The following FGF12 variants were observed in gnomAD, a reference collection of about 807,000 sequenced individuals.
The protein encoded by FGF12 is fibroblast growth factor 12.
A neutral mutation model predicts 23.6 loss-of-function variants in FGF12; 14 were observed. That is an observed-to-expected ratio of 0.59 (90% CI 0.39 to 0.93). FGF12 has a LOEUF of 0.93. Ranked by LOEUF, FGF12 falls within the 40% of genes least tolerant of loss-of-function variation. FGF12 has a pLI of 0.00. For synonymous variants in FGF12, 62 were observed against 77.3 expected (o/e 0.80, Z 1.04); for missense variants, 175 against 217.8 (o/e 0.80, Z 1.24).
Position 192,514,054 on chromosome 3 carries a change from A to G in FGF12, c.14-153516T>C, listed in dbSNP as rs1724577127. 6.6e-6 allele frequency among the ~76,000 whole-genome samples: 1 copy of G among 152,142 alleles called. No individual in the cohort carries two copies. Among genetic ancestry groups the G allele is most frequent in the South Asian group, 2.1e-4 (1 of 4,818 alleles). On this transcript the variant is annotated intron_variant, in intron 2 of 5. Transcript: ENST00000445105. This position sits in a 1 kb window ranked among gnomAD's most constrained non-coding sequence, Gnocchi z 4.9. ...TTTCTCAATATCTCAGTTCATTCAA[A>G]GGTTCTGATTTTCTTTCTTTTCCTC...
At chr3:192,579,724 C>T (rs1713055319) in intron 2 of FGF12, among the ~76,000 whole-genome samples, 1 of 152,092 alleles carries the variant, frequency 6.6e-6, no homozygotes. Context: ...TGTGTGCCAC[C>T]ACACCCAGCT....
intron 2 of FGF12, among the ~76,000 whole-genome samples, chr3:192,698,987 A>C (rs982621681): frequency 1.1e-4 from 16 of 152,182 alleles, no homozygotes; most frequent in Non-Finnish European, 1.9e-4. Flanking sequence ...TGCTTTAAAG[A>C]GAGTTATATG....
intron 2 of FGF12, among the ~76,000 whole-genome samples, chr3:192,447,966 C>T (rs1722408432): frequency 1.3e-5 from 2 of 152,212 alleles, no homozygotes; most frequent in African/African-American, 4.8e-5. Flanking sequence ...AGTTTCTGAA[C>T]TTCACAGCCC....
intron 2 of FGF12, among the ~76,000 whole-genome samples, chr3:192,460,087 G>A (rs1043677261): frequency 1.3e-5 from 2 of 152,162 alleles, no homozygotes; most frequent in African/African-American, 4.8e-5. Context: ...GAGTTGGTGG[G>A]TGAGAAGAAA....
At position 192,219,290 on chromosome 3, in the gene FGF12, G is replaced by T. The variant is rs569727433; in HGVS notation, c.229-48634C>A. ...AGTAGAGATGGGTTTTCGCCATGTT[G>T]GCCAGGCTGGTCTCGAACTCCTGAC... On this transcript the variant is annotated intron_variant, in intron 4 of 5. Coordinates refer to ENST00000445105, the MANE Select transcript of FGF12 (RefSeq NM_004113.6). Among the ~76,000 whole-genome samples the T allele has an allele frequency of 5.3e-5, 8 of 152,050 alleles. No individual in the cohort carries two copies. The South Asian group carries it at 1.7e-3, about 32-fold the overall frequency.
At chr3:192,362,339 T>G (rs2108734695) in intron 2 of FGF12, among the ~76,000 whole-genome samples, 1 of 152,284 alleles carries the variant, frequency 6.6e-6, no homozygotes, top group Non-Finnish European at 1.5e-5. Flanking sequence ...CTGCACCCAT[T>G]AACTCGTCAT....
intron 2 of FGF12, among the ~76,000 whole-genome samples, chr3:192,569,241 G>A (rs1712480884): frequency 6.6e-6 from 1 of 152,180 alleles, no homozygotes; most frequent in South Asian, 2.1e-4. Context: ...GAATGTCAGT[G>A]TAGGTTAAGC....
chr3:192,333,444 TA>T (rs1717228292), intron 4 of FGF12, among the ~76,000 whole-genome samples: 1 of 152,110 alleles, frequency 6.6e-6, no homozygotes, highest in Non-Finnish European at 1.5e-5. Context: ...TTCTTACATT[TA>T]AAATAGACTC....
intron 2 of FGF12, among the ~76,000 whole-genome samples, chr3:192,608,870 G>T (rs76695174): frequency 4.6e-5 from 7 of 152,014 alleles, no homozygotes; most frequent in African/African-American, 1.4e-4. Flanking sequence ...TACCAGCTCC[G>T]AAATATTTAA....
chr3:192,547,279 CA>C (rs1406972779), intron 2 of FGF12, among the ~76,000 whole-genome samples: 1 of 152,164 alleles, frequency 6.6e-6, no homozygotes, highest in Non-Finnish European at 1.5e-5. Flanking sequence ...ATGTATCCAT[CA>C]GCATCTGACT....
chr3:192,644,601 A>G (rs987216873), intron 2 of FGF12, among the ~76,000 whole-genome samples: 1 of 152,226 alleles, frequency 6.6e-6, no homozygotes, highest in Non-Finnish European at 1.5e-5. Flanking sequence ...ATGAATAAGA[A>G]TTATCATTAA....
At chr3:192,658,164 A>G (rs989839484) in intron 2 of FGF12, among the ~76,000 whole-genome samples, 1 of 152,268 alleles carries the variant, frequency 6.6e-6, no homozygotes, top group Non-Finnish European at 1.5e-5. Flanking sequence ...AATGTGCTAC[A>G]TAATCAATCA....
chr3:192,453,048 C>T lies in FGF12; in HGVS notation c.14-92510G>A, dbSNP rs73889340. ...CTGCCTTTGTCCTTTCGTTCTGGGACTCCAGTTGGATCTAGCTTAGATATT... is the reference window on the plus strand; with the variant it reads ...CTGCCTTTGTCCTTTCGTTCTGGGATTCCAGTTGGATCTAGCTTAGATATT... On this transcript the variant is annotated intron_variant, in intron 2 of 5. Transcript: ENST00000445105. 5.2e-3 allele frequency among the ~76,000 whole-genome samples: 798 copies of T among 152,266 alleles called. 9 individuals carry two copies. The highest frequency in any genetic ancestry group is 0.018 in the African/African-American group (762 of 41,562).
Position 192,335,476 on chromosome 3 carries a change from A to G in FGF12, c.125-12T>C. The G allele has an allele frequency of 6.4e-7, 1 of 1,557,288 alleles. No homozygotes were observed. The highest frequency in any genetic ancestry group is 8.9e-7 in the Non-Finnish European group (1 of 1,128,758). The stretch of plus-strand genomic sequence containing the variant: ...TAGATTGAAGAGAGCTGGGGGGAGA[A>G]AAAGAAGGGCGGAAAGGATCAGTGA... On this transcript the variant is annotated splice_polypyrimidine_tract_variant and intron_variant, in intron 3 of 5. Coordinates refer to ENST00000445105, the MANE Select transcript of FGF12 (RefSeq NM_004113.6).
intron 5 of FGF12, among the ~76,000 whole-genome samples, chr3:192,166,112 G>A (rs1193631336): frequency 6.6e-6 from 1 of 152,194 alleles, no homozygotes; most frequent in Non-Finnish European, 1.5e-5. Context: ...TCAATGTCCA[G>A]TGGATTAATG....
chr3:192,631,958 TTAGTAAA>T (rs1292050669), intron 2 of FGF12, among the ~76,000 whole-genome samples: 2 of 152,188 alleles, frequency 1.3e-5, no homozygotes, highest in Non-Finnish European at 2.9e-5. Context: ...CTTTTACATA[TTAGTAAA>T]TCACTGAACT....
intron 2 of FGF12, among the ~76,000 whole-genome samples, chr3:192,494,846 A>G (rs1343289600): frequency 7.6e-5 from 1 of 13,202 alleles, no homozygotes; most frequent in Non-Finnish European, 4.7e-4. Flanking sequence ...CTATGCATAT[A>G]TATATATATA....
intron 2 of FGF12, among the ~76,000 whole-genome samples, chr3:192,601,285 G>T (rs1262460846): frequency 1.1e-4 from 17 of 152,018 alleles, no homozygotes; most frequent in Admixed American, 9.2e-4. Context: ...CTATAGGCTG[G>T]GAAGAGTAGG....
intron 2 of FGF12, among the ~76,000 whole-genome samples, chr3:192,618,646 G>A (rs935935653): frequency 1.1e-4 from 16 of 152,002 alleles, no homozygotes; most frequent in African/African-American, 3.6e-4. Context: ...TTTAATTTCA[G>A]TCTCATTTGA....
Sources: gnomAD v4.1 joint callset for allele counts (sites outside exome capture counted in the v4.1 genomes callset) on GRCh38, gnomAD v4.1.1 for gene constraint, Gnocchi (gnomAD v3.1) non-coding constraint, MANE v1.5 for transcripts, NCBI Gene and HGNC (gene_info 2026-07-23, HGNC 2026-07-21) for gene names.